ME1: variants seen among roughly 807,000 people sequenced by gnomAD.
ME1 encodes the protein NADP-dependent malic enzyme.
Under a neutral mutation model 66.4 loss-of-function variants are expected in ME1, and 74 were observed. The ratio of observed to expected loss-of-function variants is 1.11; its 90% CI spans 0.92 to 1.35. The LOEUF is 1.35. ME1 is among the 40% of genes most tolerant of loss of function. ME1 has a pLI of 0.00. For synonymous variants in ME1, 251 were observed against 235.6 expected (o/e 1.07, Z -0.60); for missense variants, 750 against 694.1 (o/e 1.08, Z -0.90).
At chr6:83,312,737 T>C (rs547503875) in intron 6 of ME1, among the ~76,000 whole-genome samples, 131 of 152,238 alleles carry the variant, frequency 8.6e-4, no homozygotes, top group African/African-American at 3.1e-3. Context: ...AAGAGGTTTA[T>C]CCCAATGGGT....
intron 2 of ME1, among the ~76,000 whole-genome samples, chr6:83,400,240 T>C (rs559428383): frequency 6.6e-6 from 1 of 152,170 alleles, no homozygotes; most frequent in African/African-American, 2.4e-5. Flanking sequence ...CCCTCATGAA[T>C]GGCTTAGCAC....
At chr6:83,389,202 A>G (rs1339941149) in intron 3 of ME1, among the ~76,000 whole-genome samples, 1 of 152,158 alleles carries the variant, frequency 6.6e-6, no homozygotes, top group Non-Finnish European at 1.5e-5. Flanking sequence ...TCTATTATTT[A>G]TGAGAATTTG....
At chr6:83,230,169 T>A (rs1187088140) in intron 9 of ME1, among the ~76,000 whole-genome samples, 1 of 151,876 alleles carries the variant, frequency 6.6e-6, no homozygotes, top group African/African-American at 2.4e-5. Flanking sequence ...GTTTTTAATT[T>A]TGTTTTGTTT....
chr6:83,315,180 G>C (rs1583375100), intron 6 of ME1, 130 bp downstream of exon 6: 1 of 609,416 alleles, frequency 1.6e-6, no homozygotes, highest in Non-Finnish European at 2.9e-6. Context: ...TGAGGAAATA[G>C]ATAGGATATA....
chr6:83,316,902 A>T (rs1017355075), intron 5 of ME1, among the ~76,000 whole-genome samples: 3 of 152,088 alleles, frequency 2.0e-5, no homozygotes, highest in Non-Finnish European at 4.4e-5. Context: ...ACTACAAAAT[A>T]TTGCTGAAAG....
chr6:83,223,710 G>T, intron 12 of ME1, 50 bp downstream of exon 12: 1 of 1,537,092 alleles, frequency 6.5e-7, no homozygotes. Context: ...CCTAGGCTGA[G>T]CACACTTGGT....
intron 3 of ME1, among the ~76,000 whole-genome samples, chr6:83,383,021 G>A (rs751823542): frequency 1.7e-4 from 26 of 151,854 alleles, no homozygotes; most frequent in East Asian, 3.9e-4. Context: ...GACCTCCCCC[G>A]AAAAAGAGGA....
chr6:83,366,829 C>T (rs548329574), intron 3 of ME1, among the ~76,000 whole-genome samples: 1 of 152,274 alleles, frequency 6.6e-6, no homozygotes, highest in Non-Finnish European at 1.5e-5. Flanking sequence ...TCAACTTCTT[C>T]CAAACTCCTG....
chr6:83,359,388 T>G (rs1768962140), intron 3 of ME1, among the ~76,000 whole-genome samples: 1 of 152,114 alleles, frequency 6.6e-6, no homozygotes, highest in Non-Finnish European at 1.5e-5. Context: ...CCCATTTATA[T>G]CAGCAGAAAT....
chr6:83,340,631 TG>T (rs1313682561), intron 5 of ME1, among the ~76,000 whole-genome samples: 2 of 151,790 alleles, frequency 1.3e-5, no homozygotes, highest in African/African-American at 4.8e-5. Flanking sequence ...GTGGTGAAAC[TG>T]GGAGCATGGG....
chr6:83,369,671 C>CGAAGGAAGGAAGGAAGGAAGGAAG (rs796598711), intron 3 of ME1, among the ~76,000 whole-genome samples: 10 of 72,300 alleles, frequency 1.4e-4, no homozygotes, highest in Non-Finnish European at 2.2e-4. Context: ...AAGGAAGGAA[C>CGAAGGAAGGAAGGAAGGAAGGAAG]GAAGGAAGGA....
chr6:83,344,079 C>T (rs1039845202), intron 5 of ME1, among the ~76,000 whole-genome samples: 2 of 150,126 alleles, frequency 1.3e-5, no homozygotes, highest in African/African-American at 4.9e-5. Context: ...TCAAAACCAG[C>T]CTGAGCAACA....
intron 6 of ME1, among the ~76,000 whole-genome samples, chr6:83,283,227 C>CAAAAAAAAAAGAAAAAAAA (rs1767336700): frequency 3.5e-5 from 1 of 28,900 alleles, no homozygotes; most frequent in Non-Finnish European, 6.8e-5. Flanking sequence ...GACTCCGTCT[C>CAAAAAAAAAAGAAAAAAAA]AAAAAAAAAA....
At chr6:83,395,721 G>A (rs561267859) in intron 3 of ME1, among the ~76,000 whole-genome samples, 3 of 151,590 alleles carry the variant, frequency 2.0e-5, no homozygotes, top group African/African-American at 7.3e-5. Context: ...TGATCTGCCC[G>A]CCTCAGCCTC....
In ME1 at chr6:83,418,144, C is replaced by A. The variant is rs75160985; in HGVS notation, c.79-10243G>T. 5.2e-3 allele frequency among the ~76,000 whole-genome samples: 798 copies of A among 152,310 alleles called. 6 individuals are homozygous for A. Among genetic ancestry groups the A allele is most frequent in the African/African-American group, 0.018 (752 of 41,558 alleles). ...TGTTTTCTCTCTGCTTTTACAGTTACTTTATGGGCGGTTGTGAAGCTCGCT... is the reference window on the plus strand; with the variant it reads ...TGTTTTCTCTCTGCTTTTACAGTTAATTTATGGGCGGTTGTGAAGCTCGCT... On this transcript the variant is annotated intron_variant, in intron 1 of 13. Coordinates refer to ENST00000369705, the MANE Select transcript of ME1 (RefSeq NM_002395.6).
chr6:83,217,711 C>T (rs1466028656), intron 12 of ME1, among the ~76,000 whole-genome samples: 1 of 152,110 alleles, frequency 6.6e-6, no homozygotes, highest in African/African-American at 2.4e-5. Flanking sequence ...GTTAGACAAA[C>T]AGAAAGTAGG....
chr6:83,315,996 C>G (rs1300683426), intron 5 of ME1, among the ~76,000 whole-genome samples: 1 of 151,968 alleles, frequency 6.6e-6, no homozygotes, highest in African/African-American at 2.4e-5. Context: ...TAAAATATTT[C>G]ATTTGTGTTA....
intron 6 of ME1, among the ~76,000 whole-genome samples, chr6:83,286,829 A>C (rs926444095): frequency 6.6e-6 from 1 of 152,178 alleles, no homozygotes; most frequent in Non-Finnish European, 1.5e-5. Context: ...ACAGTACTCT[A>C]TGACTATAAA....
intron 6 of ME1, among the ~76,000 whole-genome samples, chr6:83,257,674 A>T (rs1297710940): frequency 1.3e-5 from 2 of 152,204 alleles, no homozygotes; most frequent in African/African-American, 4.8e-5. Context: ...AAAAACTGGT[A>T]AAATCATTTC....
Sources: gnomAD v4.1 joint callset for allele counts (sites outside exome capture counted in the v4.1 genomes callset) on GRCh38, gnomAD v4.1.1 for gene constraint, MANE v1.5 for transcripts, NCBI Gene and HGNC (gene_info 2026-07-23, HGNC 2026-07-21) for gene names.